GALNT9: variants seen among roughly 807,000 people sequenced by gnomAD.
GALNT9 encodes the protein GalNAc transferase 9.
In GALNT9, 47 loss-of-function variants were observed where a neutral mutation model predicts 63.1. That is an observed-to-expected ratio of 0.75 (90% confidence interval 0.59 to 0.95). The LOEUF (loss-of-function observed/expected upper bound fraction) is 0.95. Ranked by LOEUF, GALNT9 falls within the 40% of genes least tolerant of loss-of-function variation. GALNT9 has a pLI of 0.00. For missense variants in GALNT9, 829 were observed against 874.8 expected (o/e 0.95, Z 0.66); for synonymous variants, 396 against 365.7 (o/e 1.08, Z -0.94).
Position 132,218,843 on chromosome 12 carries a change from C to T in GALNT9, c.1078-15153G>A, listed in dbSNP as rs117785208. Among the ~76,000 whole-genome samples, 419 of 152,388 alleles carry T rather than the reference C, an allele frequency of 2.7e-3. 3 individuals are homozygous for T. Among genetic ancestry groups the T allele is most frequent in the Non-Finnish European group, 5.0e-3 (343 of 68,040 alleles). ...CAGCCGTTGTCCAGACCCTCCCACT[C>T]ACCTCACCAAACACTGAGCATCTCA... On this transcript the variant is annotated intron_variant, in intron 6 of 10. Transcript: ENST00000328957.
intron 6 of GALNT9, among the ~76,000 whole-genome samples, chr12:132,219,574 A>G (rs963302051): frequency 4.6e-5 from 7 of 152,126 alleles, no homozygotes; most frequent in Non-Finnish European, 8.8e-5. Context: ...ATGAGCAGGA[A>G]CAGACACTGA....
intron 6 of GALNT9, among the ~76,000 whole-genome samples, chr12:132,203,928 G>A (rs984013982): frequency 5.3e-5 from 8 of 152,118 alleles, no homozygotes; most frequent in Non-Finnish European, 8.8e-5. Context: ...TCTCTTGTGC[G>A]TTACACGATG....
At chr12:132,321,042 C>T (rs1365153880) in intron 1 of GALNT9, among the ~76,000 whole-genome samples, 4 of 152,076 alleles carry the variant, frequency 2.6e-5, no homozygotes, top group South Asian at 2.1e-4. Flanking sequence ...GGCCTCCTGG[C>T]GTCCCAGCGG....
chr12:132,312,329 G>T (rs1881843482), intron 1 of GALNT9, among the ~76,000 whole-genome samples: 1 of 152,196 alleles, frequency 6.6e-6, no homozygotes, highest in African/African-American at 2.4e-5. Context: ...GGATTTCCTG[G>T]CCCTCTGCTT....
chr12:132,305,565 A>G (rs1593117749), intron 1 of GALNT9, among the ~76,000 whole-genome samples: 5 of 142,376 alleles, frequency 3.5e-5, no homozygotes, highest in African/African-American at 1.1e-4. Context: ...ACCGGGGCAC[A>G]CCCTCACCCA....
At chr12:132,224,768 A>AACC in intron 6 of GALNT9, among the ~76,000 whole-genome samples, 1 of 132,114 alleles carries the variant, frequency 7.6e-6, no homozygotes, top group African/African-American at 2.9e-5. Flanking sequence ...CCCACACTGT[A>AACC]CACACCCCAC....
At chr12:132,210,060 G>C (rs915773076) in intron 6 of GALNT9, among the ~76,000 whole-genome samples, 8 of 152,202 alleles carry the variant, frequency 5.3e-5, no homozygotes, top group African/African-American at 1.9e-4. Context: ...GGAAGACACG[G>C]GTGGCGTGGG....
chr12:132,207,917 C>G (rs527859782), intron 6 of GALNT9, among the ~76,000 whole-genome samples: 70 of 152,318 alleles, frequency 4.6e-4, no homozygotes, highest in African/African-American at 1.6e-3. Context: ...CCCCACCCCC[C>G]ACCACGACTC....
At chr12:132,212,925 T>C (rs367595655) in intron 6 of GALNT9, among the ~76,000 whole-genome samples, 399 of 39,186 alleles carry the variant, frequency 0.01, 1 homozygote, top group Middle Eastern at 0.091. Flanking sequence ...GACCGTGACA[T>C]GGAAACCCCA....
chr12:132,244,259 C>T (rs1878607355), intron 6 of GALNT9, among the ~76,000 whole-genome samples: 1 of 51,986 alleles, frequency 1.9e-5, no homozygotes, highest in African/African-American at 8.6e-5. Context: ...TGGGGCTAGA[C>T]GGGGGATGTG....
intron 1 of GALNT9, among the ~76,000 whole-genome samples, chr12:132,291,616 GCACCCACGTCCACAC>G (rs1319011818): frequency 7.5e-5 from 7 of 92,776 alleles, no homozygotes; most frequent in African/African-American, 3.0e-4. Flanking sequence ...CACCTCCACA[GCACCCACGTCCACAC>G]CACCCACATC....
intron 6 of GALNT9, among the ~76,000 whole-genome samples, chr12:132,229,545 C>T (rs1459298138): frequency 2.0e-5 from 3 of 152,256 alleles, no homozygotes; most frequent in African/African-American, 4.8e-5. Flanking sequence ...GGGCCACACT[C>T]GCAGGCACAG....
chr12:132,211,773 G>T (rs1349571191), intron 6 of GALNT9, among the ~76,000 whole-genome samples: 4 of 152,218 alleles, frequency 2.6e-5, no homozygotes, highest in Non-Finnish European at 4.4e-5. Flanking sequence ...GGCACGGAAG[G>T]CTGAGGAGTA....
At chr12:132,228,099 C>CG (rs1171009789) in intron 6 of GALNT9, among the ~76,000 whole-genome samples, 5 of 151,998 alleles carry the variant, frequency 3.3e-5, no homozygotes, top group African/African-American at 1.2e-4. Flanking sequence ...GCAGGGGTGG[C>CG]GGGGGGGCAC....
At position 132,291,328 on chromosome 12, in the gene GALNT9, ACAGCACCCACAACCACAGCACCCACGT is replaced by A. The variant is rs1555242725; in HGVS notation, c.239-4925_239-4899del. Among the ~76,000 whole-genome samples, 116 of 82,716 alleles carry A rather than the reference ACAGCACCCACAACCACAGCACCCACGT, an allele frequency of 1.4e-3. 6 individuals carry two copies. The highest frequency in any genetic ancestry group is 6.6e-3 in the African/African-American group (97 of 14,626). The allele number at this position is 82,716 out of a possible 152,430, so 54.3% of individuals were successfully genotyped here. ...ACCCACATCCACAGCACCCACATCC[ACAGCACCCACAACCACAGCACCCACGT>A]CCACAGCACCCACGTCCACAGCACC... On this transcript the variant is annotated intron_variant, in intron 1 of 10. Coordinates refer to ENST00000328957, the MANE Select transcript of GALNT9 (RefSeq NM_001122636.2).
intron 1 of GALNT9, among the ~76,000 whole-genome samples, chr12:132,295,273 G>A (rs551980775): frequency 1.3e-5 from 2 of 152,234 alleles, no homozygotes; most frequent in African/African-American, 4.8e-5. Context: ...TGCAGGCAGG[G>A]AAGGAGAGGC....
intron 3 of GALNT9, 50 bp from the exon 4 acceptor site, chr12:132,261,172 G>C (rs549222465): frequency 5.7e-4 from 874 of 1,541,752 alleles, no homozygotes; most frequent in Non-Finnish European, 7.3e-4. Flanking sequence ...GCAGGCGCGG[G>C]GCCACCAAGA....
chr12:132,198,444 CTGGG>C (rs1420655263), intron 9 of GALNT9, among the ~76,000 whole-genome samples: 1 of 146,456 alleles, frequency 6.8e-6, no homozygotes, highest in Admixed American at 6.6e-5. Flanking sequence ...GGGGCTGGGG[CTGGG>C]CCTGGGCCTG....
chr12:132,197,305 C>T (rs778725692), intron 10 of GALNT9, 52 bp from the exon 11 acceptor site: 1 of 1,591,800 alleles, frequency 6.3e-7, no homozygotes, highest in South Asian at 1.1e-5. Flanking sequence ...CTTGTTCCCC[C>T]TCCCCCCACC....
Sources: gnomAD v4.1 joint callset for allele counts (sites outside exome capture counted in the v4.1 genomes callset) on GRCh38, gnomAD v4.1.1 for gene constraint, MANE v1.5 for transcripts, NCBI Gene and HGNC (gene_info 2026-07-23, HGNC 2026-07-21) for gene names.